Variants in SPADH observed in about 807,000 individuals in gnomAD.
The protein encoded by SPADH is spermadhesin family member.
chr10:122,677,875 G>T, the SPADH span, among the ~76,000 whole-genome samples: 1 of 152,202 alleles, frequency 6.6e-6, no homozygotes, highest in Non-Finnish European at 1.5e-5. Context: ...CCCAGATGGG[G>T]AAACAAGGAG....
chr10:122,673,336 T>G, the SPADH span, among the ~76,000 whole-genome samples: 1 of 152,208 alleles, frequency 6.6e-6, no homozygotes, highest in Non-Finnish European at 1.5e-5. Context: ...CTGCATTGAA[T>G]GTGTCTGGGG....
At chr10:122,674,714 A>T in the SPADH span, among the ~76,000 whole-genome samples, 1 of 152,232 alleles carries the variant, frequency 6.6e-6, no homozygotes, top group African/African-American at 2.4e-5. Context: ...AAACGAAGCA[A>T]CTGTCTTGAA....
chr10:122,679,118 T>G, the SPADH span: 1 of 591,972 alleles, frequency 1.7e-6, no homozygotes, highest in Non-Finnish European at 2.1e-6. Context: ...CTGCATATGT[T>G]GGACAGAGGC....
chr10:122,673,310 T>C, the SPADH span, among the ~76,000 whole-genome samples: 1 of 152,150 alleles, frequency 6.6e-6, no homozygotes, highest in Admixed American at 6.5e-5. Context: ...GCAGGCAGTG[T>C]CTTGGTGAGG....
chr10:122,675,866 C>T, the SPADH span, among the ~76,000 whole-genome samples: 2 of 152,176 alleles, frequency 1.3e-5, no homozygotes, highest in Admixed American at 1.3e-4. Flanking sequence ...CTCCATGAGA[C>T]TCCTCCCAAC....
chr10:122,678,901 T>C, the SPADH span: 2 of 984,804 alleles, frequency 2.0e-6, no homozygotes, highest in Non-Finnish European at 2.4e-6. Flanking sequence ...CTCCAGGGTC[T>C]GAGTCCTTGG....
At chr10:122,675,141 T>G in the SPADH span, among the ~76,000 whole-genome samples, 1 of 152,246 alleles carries the variant, frequency 6.6e-6, no homozygotes, top group African/African-American at 2.4e-5. Context: ...CAAATTCAAA[T>G]TAATCACTGG....
chr10:122,678,107 G>A, the SPADH span, among the ~76,000 whole-genome samples: 4 of 152,156 alleles, frequency 2.6e-5, no homozygotes, highest in Non-Finnish European at 4.4e-5. Flanking sequence ...GTGTCCTGGT[G>A]GGGTGTCCCC....
At chr10:122,676,226 T>C in the SPADH span, among the ~76,000 whole-genome samples, 14,419 of 152,262 alleles carry the variant, frequency 0.095, 713 homozygotes, top group Middle Eastern at 0.12. Context: ...ACAAGCTAAG[T>C]GCTTTAGAAA....
chr10:122,679,197 G>GA, the SPADH span: 2 of 193,934 alleles, frequency 1.0e-5, no homozygotes, highest in Non-Finnish European at 1.9e-5. Context: ...GAGGGAGAGG[G>GA]AATGTGACCC....
At chr10:122,676,616 TG>T in the SPADH span, 2 of 533,022 alleles carry the variant, frequency 3.8e-6, no homozygotes, top group Non-Finnish European at 4.8e-6. Flanking sequence ...GCCATCAGAC[TG>T]GGCCATTAAG....
At chr10:122,678,862 C>T in the SPADH span, 1 of 983,844 alleles carries the variant, frequency 1.0e-6, no homozygotes, top group Non-Finnish European at 1.2e-6. Flanking sequence ...TCGCATGTGG[C>T]AAAGAATACG....
the SPADH span, among the ~76,000 whole-genome samples, chr10:122,678,635 G>A: frequency 1.3e-5 from 2 of 152,146 alleles, no homozygotes; most frequent in Non-Finnish European, 2.9e-5. Flanking sequence ...CCTGGTGGAG[G>A]TGAAGTTTTC....
the SPADH span, among the ~76,000 whole-genome samples, chr10:122,677,968 G>A: frequency 1.3e-5 from 2 of 152,162 alleles, no homozygotes; most frequent in Non-Finnish European, 2.9e-5. Flanking sequence ...CGGGATGGGC[G>A]GCTGTGGACA....
At chr10:122,676,650 G>A in the SPADH span, 13 of 871,068 alleles carry the variant, frequency 1.5e-5, no homozygotes, top group African/African-American at 1.8e-5. Flanking sequence ...TCCCAAGGAT[G>A]GGAAGTTGGG....
the SPADH span, among the ~76,000 whole-genome samples, chr10:122,678,030 G>T: frequency 1.3e-5 from 2 of 152,128 alleles, no homozygotes; most frequent in African/African-American, 2.4e-5. Context: ...GAATCTGATT[G>T]TCCTTGGCAC....
At chr10:122,674,437 C>T in the SPADH span, among the ~76,000 whole-genome samples, 3 of 152,212 alleles carry the variant, frequency 2.0e-5, no homozygotes, top group African/African-American at 4.8e-5. Context: ...GGTTACAGTA[C>T]AGAAATGTCA....
chr10:122,678,871 C>A, the SPADH span: 1 of 984,040 alleles, frequency 1.0e-6, no homozygotes, highest in South Asian at 4.7e-5. Flanking sequence ...GCAAAGAATA[C>A]GTGGAAGTGC....
chr10:122,675,601 C>A, the SPADH span: 4 of 954,894 alleles, frequency 4.2e-6, no homozygotes, highest in Non-Finnish European at 5.0e-6. Flanking sequence ...TTGGTAAGTT[C>A]AGATTTTCAT....
Sources: gnomAD v4.1 joint callset for allele counts (sites outside exome capture counted in the v4.1 genomes callset) on GRCh38, gnomAD v4.1.1 for gene constraint, MANE v1.5 for transcripts, NCBI Gene and HGNC (gene_info 2026-07-23, HGNC 2026-07-21) for gene names.